Variants in AKAP10 observed in about 807,000 individuals in gnomAD.
AKAP10 encodes A-kinase anchoring protein 10.
AKAP10 carries 24 observed loss-of-function variants against 80.8 expected under a neutral mutation model. That is an observed-to-expected ratio of 0.30 (90% CI 0.22 to 0.42). The LOEUF (loss-of-function observed/expected upper bound fraction) is 0.42. AKAP10 is among the 10% of genes least tolerant of loss of function. AKAP10 has a pLI of 1.00. For synonymous variants in AKAP10, 291 were observed against 277.7 expected (o/e 1.05, Z -0.48); for missense variants, 661 against 794.9 (o/e 0.83, Z 2.03).
intron 2 of AKAP10, among the ~76,000 whole-genome samples, chr17:19,965,076 G>C (rs2043400352): frequency 6.6e-6 from 1 of 152,168 alleles, no homozygotes; most frequent in African/African-American, 2.4e-5. Context: ...TTGTATCACT[G>C]ATTACTCGCT....
chr17:19,932,111 G>T, intron 9 of AKAP10, 133 bp from the exon 10 acceptor site: 1 of 829,922 alleles, frequency 1.2e-6, no homozygotes, highest in Non-Finnish European at 1.8e-6. Flanking sequence ...TTTACTTCTT[G>T]TTGTACTACA....
At chr17:19,953,705 G>C (rs1018902539) in intron 4 of AKAP10, among the ~76,000 whole-genome samples, 14 of 152,164 alleles carry the variant, frequency 9.2e-5, no homozygotes, top group African/African-American at 3.4e-4. Context: ...TAAATAATCT[G>C]AATTCATAGT....
At chr17:19,916,593 G>A (rs2042744634) in intron 12 of AKAP10, among the ~76,000 whole-genome samples, 1 of 151,682 alleles carries the variant, frequency 6.6e-6, no homozygotes, top group Non-Finnish European at 1.5e-5. Context: ...TACATATGAA[G>A]CAGGAGCACT....
At chr17:19,910,028 T>C in intron 12 of AKAP10, 50 bp from the exon 13 acceptor site, 1 of 1,577,680 alleles carries the variant, frequency 6.3e-7, no homozygotes, top group Non-Finnish European at 8.7e-7. Flanking sequence ...TAATTTTACA[T>C]TAAAAATGCT....
intron 4 of AKAP10, among the ~76,000 whole-genome samples, chr17:19,956,906 G>A (rs2043283128): frequency 1.3e-5 from 2 of 151,672 alleles, no homozygotes; most frequent in South Asian, 2.1e-4. Flanking sequence ...CGGGAGCCTG[G>A]TTGAGGGAAG....
intron 1 of AKAP10, among the ~76,000 whole-genome samples, chr17:19,977,102 T>A (rs1286837666): frequency 6.6e-6 from 1 of 152,144 alleles, no homozygotes. Flanking sequence ...AATAAGTAAT[T>A]TTATTTTAGT....
intron 3 of AKAP10, among the ~76,000 whole-genome samples, chr17:19,961,442 T>G (rs2043348848): frequency 6.6e-6 from 1 of 152,200 alleles, no homozygotes; most frequent in Non-Finnish European, 1.5e-5. Context: ...ATGAGTGATC[T>G]AGCAAAACTT....
intron 4 of AKAP10, among the ~76,000 whole-genome samples, chr17:19,956,268 C>T (rs1224823568): frequency 6.6e-6 from 1 of 152,032 alleles, no homozygotes; most frequent in East Asian, 1.9e-4. Context: ...ATGCAAAACA[C>T]CTGAAGTAAC....
At chr17:19,945,939 G>A (rs1260365980) in intron 5 of AKAP10, among the ~76,000 whole-genome samples, 1 of 151,118 alleles carries the variant, frequency 6.6e-6, no homozygotes, top group Non-Finnish European at 1.5e-5. Flanking sequence ...TTCACCTAAG[G>A]TCTTCCTGAT....
At chr17:19,950,959 C>T (rs2043197716) in intron 4 of AKAP10, among the ~76,000 whole-genome samples, 1 of 151,242 alleles carries the variant, frequency 6.6e-6, no homozygotes, top group Admixed American at 6.6e-5. Context: ...TGCCCGGCCG[C>T]GACCCCGTCT....
At chr17:19,928,650 G>A (rs2152412448) in intron 10 of AKAP10, among the ~76,000 whole-genome samples, 1 of 152,320 alleles carries the variant, frequency 6.6e-6, no homozygotes, top group East Asian at 1.9e-4. Flanking sequence ...GCCGAGATGG[G>A]TGGATCACTT....
Position 19,905,897 on chromosome 17 carries a change from A to G in AKAP10, c.*330T>C, listed in dbSNP as rs138915823. ...TCAGTTCTATGCTTATCTGCTTCCC[A>G]GAGGATGTGGTCCCTGTCTATTCCA... On this transcript the variant is annotated 3_prime_UTR_variant, in exon 15 of 15. Coordinates refer to ENST00000225737, the MANE Select transcript of AKAP10 (RefSeq NM_007202.4). 1.6e-3 allele frequency: 464 copies of G among 291,102 alleles called. 2 individuals carry two copies. The highest frequency in any genetic ancestry group is 9.1e-3 in the African/African-American group (429 of 47,344). 18.0% of individuals were successfully genotyped at this position (291,102 alleles called of 1,614,324 possible). A position where few individuals can be genotyped will look rare whatever the true frequency, so the allele number is the denominator to read the frequency against.
At chr17:19,918,816 A>G (rs2042778346) in intron 12 of AKAP10, among the ~76,000 whole-genome samples, 1 of 152,220 alleles carries the variant, frequency 6.6e-6, no homozygotes, top group Non-Finnish European at 1.5e-5. Flanking sequence ...CAAAGAATGC[A>G]CTTGACAAAA....
At chr17:19,972,503 T>A (rs1427567755) in intron 1 of AKAP10, among the ~76,000 whole-genome samples, 2 of 152,226 alleles carry the variant, frequency 1.3e-5, no homozygotes, top group Non-Finnish European at 1.5e-5. Flanking sequence ...TCGCCCAGGC[T>A]GGAGTGCAGT....
At chr17:19,970,882 T>C (rs1198125816) in intron 1 of AKAP10, among the ~76,000 whole-genome samples, 1 of 152,146 alleles carries the variant, frequency 6.6e-6, no homozygotes, top group Non-Finnish European at 1.5e-5. Flanking sequence ...GTTTTTTGAC[T>C]ATGACCACAT....
At chr17:19,942,204 C>T (rs2043057492) in intron 5 of AKAP10, among the ~76,000 whole-genome samples, 1 of 152,142 alleles carries the variant, frequency 6.6e-6, no homozygotes, top group Non-Finnish European at 1.5e-5. Flanking sequence ...GCATGCATGA[C>T]AGTTAAAAGG....
chr17:19,928,604 T>C (rs1028132285), intron 10 of AKAP10, among the ~76,000 whole-genome samples: 1 of 151,976 alleles, frequency 6.6e-6, no homozygotes, highest in Non-Finnish European at 1.5e-5. Context: ...CAGCCGGGCA[T>C]AGTGGCTCAC....
chr17:19,973,130 C>T (rs2043520745), intron 1 of AKAP10, among the ~76,000 whole-genome samples: 1 of 152,158 alleles, frequency 6.6e-6, no homozygotes, highest in Non-Finnish European at 1.5e-5. Context: ...TAGACACCCA[C>T]CACCATGCCC....
intron 4 of AKAP10, among the ~76,000 whole-genome samples, chr17:19,950,327 C>G (rs1290047526): frequency 6.6e-6 from 1 of 152,236 alleles, no homozygotes; most frequent in African/African-American, 2.4e-5. Context: ...TCCCTCTCCC[C>G]GGTCTCCCTC....
Sources: allele counts gnomAD v4.1 joint callset (sites outside exome capture counted in the v4.1 genomes callset), GRCh38; gene constraint gnomAD v4.1.1; transcripts MANE v1.5; gene names NCBI Gene and HGNC (gene_info 2026-07-23, HGNC 2026-07-21).